The following COL4A6 variants were observed in gnomAD, a reference collection of about 807,000 sequenced individuals.
COL4A6 encodes the protein collagen alpha-6(IV) chain.
COL4A6 carries 59 observed loss-of-function variants against 126.7 expected under a neutral mutation model. The ratio of observed to expected loss-of-function variants is 0.47; its 90% confidence interval spans 0.38 to 0.58. The LOEUF is 0.58. COL4A6 is among the 20% of genes least tolerant of loss of function. COL4A6 has a pLI of 0.00. For missense variants in COL4A6, 1,285 were observed against 1,337.3 expected, an observed-to-expected ratio of 0.96 and a Z score of 0.61; for synonymous variants, 547 against 496.6, an observed-to-expected ratio of 1.10 and a Z score of -1.35.
At position 108,235,345 on chromosome X, in the gene COL4A6, G is replaced by A. The variant is rs770346010; in HGVS notation, c.145-13971C>T. ...CAAAGTGAGATGCTTGAACCACCTA[G>A]AGGTATAAATTATGTACAACATTTA... is the stretch of plus-strand genomic sequence containing the variant. On this transcript the variant is annotated intron_variant, in intron 3 of 44. Coordinates refer to ENST00000334504, the MANE Select transcript of COL4A6 (RefSeq NM_033641.4). Among the ~76,000 whole-genome samples the A allele has an allele frequency of 5.4e-5, 6 of 111,738 alleles. No individual in the cohort carries two copies. The East Asian group carries it at 1.1e-3, about 21-fold the overall frequency.
At chrX:108,403,866 G>A (rs927463079) in intron 2 of COL4A6, among the ~76,000 whole-genome samples, 1 of 111,692 alleles carries the variant, frequency 9.0e-6, no homozygotes, top group Non-Finnish European at 1.9e-5. Flanking sequence ...CTGTAAAACT[G>A]TATATCTAAA....
chrX:108,346,511 G>A (rs979039788), intron 2 of COL4A6, among the ~76,000 whole-genome samples: 3 of 111,897 alleles, frequency 2.7e-5, no homozygotes, highest in African/African-American at 9.8e-5. Context: ...TGTGCTACAC[G>A]AAAAATATCA....
chrX:108,394,249 G>T (rs77913013), intron 2 of COL4A6, among the ~76,000 whole-genome samples: 5 of 109,816 alleles, frequency 4.6e-5, no homozygotes, highest in Admixed American at 3.9e-4. Flanking sequence ...CACAGGGAGG[G>T]GAACATCACA....
intron 2 of COL4A6, among the ~76,000 whole-genome samples, chrX:108,347,002 C>A (rs1266020388): frequency 8.9e-6 from 1 of 112,335 alleles, no homozygotes; most frequent in Non-Finnish European, 1.9e-5. Flanking sequence ...TATTGTCATG[C>A]ATTTGTATGG....
intron 3 of COL4A6, among the ~76,000 whole-genome samples, chrX:108,245,383 T>C (rs1197467857): frequency 8.9e-6 from 1 of 111,832 alleles, no homozygotes. Context: ...AGGAATCACA[T>C]GGAAGGAACT....
intron 3 of COL4A6, chrX:108,268,021 A>G (rs749283301): frequency 5.3e-5 from 6 of 112,270 alleles, no homozygotes; most frequent in Non-Finnish European, 1.1e-4. Flanking sequence ...AACACAGCTA[A>G]CTTTTGGTAA....
At chrX:108,434,564 G>A (rs1175641840) in intron 2 of COL4A6, among the ~76,000 whole-genome samples, 4 of 110,501 alleles carry the variant, frequency 3.6e-5, no homozygotes, top group African/African-American at 9.9e-5. Context: ...AACAATTTTT[G>A]AAATGGTTAT....
chrX:108,247,988 G>A (rs746431446), intron 3 of COL4A6, among the ~76,000 whole-genome samples: 2 of 111,432 alleles, frequency 1.8e-5, no homozygotes, highest in African/African-American at 6.5e-5. Flanking sequence ...TTTCTGAGGA[G>A]AGGAGAGGAT....
At chrX:108,399,314 C>T (rs1383219499) in intron 2 of COL4A6, among the ~76,000 whole-genome samples, 1 of 111,329 alleles carries the variant, frequency 9.0e-6, no homozygotes, top group Middle Eastern at 4.2e-3. Context: ...TTAGATTCTG[C>T]CCTGGTTAAT....
chrX:108,161,013 G>T (rs2033915294), intron 42 of COL4A6, among the ~76,000 whole-genome samples: 1 of 111,939 alleles, frequency 8.9e-6, no homozygotes, highest in Non-Finnish European at 1.9e-5. Flanking sequence ...CAGCCTTGCA[G>T]GCCCTCATAG....
At chrX:108,408,691 G>A (rs990013691) in intron 2 of COL4A6, among the ~76,000 whole-genome samples, 1 of 111,885 alleles carries the variant, frequency 8.9e-6, no homozygotes, top group African/African-American at 3.3e-5. Context: ...GCCAGGCACG[G>A]TGGCTCACGC....
intron 3 of COL4A6, among the ~76,000 whole-genome samples, chrX:108,240,199 C>A (rs148958628): frequency 5.0e-3 from 556 of 111,324 alleles, no homozygotes; most frequent in African/African-American, 0.018. Flanking sequence ...GCCAAGATTG[C>A]GCCAATGAAC....
intron 2 of COL4A6, among the ~76,000 whole-genome samples, chrX:108,369,874 T>C (rs746798528): frequency 3.3e-4 from 37 of 112,454 alleles, no homozygotes; most frequent in Non-Finnish European, 5.8e-4. Flanking sequence ...ACCACAGATA[T>C]TAGTTAAATG....
intron 2 of COL4A6, among the ~76,000 whole-genome samples, chrX:108,423,670 G>A (rs1042694014): frequency 1.8e-5 from 2 of 111,511 alleles, no homozygotes; most frequent in Non-Finnish European, 3.8e-5. Flanking sequence ...ACAAAGCACT[G>A]ATTGCTATTT....
At chrX:108,280,673 C>A (rs1165316128) in intron 3 of COL4A6, among the ~76,000 whole-genome samples, 1 of 111,347 alleles carries the variant, frequency 9.0e-6, no homozygotes, top group Non-Finnish European at 1.9e-5. Context: ...ATACCAAAGC[C>A]GGGCAGAGAC....
At chrX:108,363,319 T>A (rs949936151) in intron 2 of COL4A6, among the ~76,000 whole-genome samples, 5 of 112,122 alleles carry the variant, frequency 4.5e-5, no homozygotes, top group Non-Finnish European at 9.4e-5. Flanking sequence ...TAAATCTCTA[T>A]ATGTGGACCT....
intron 3 of COL4A6, among the ~76,000 whole-genome samples, chrX:108,229,046 T>C (rs1234116684): frequency 8.9e-6 from 1 of 112,053 alleles, no homozygotes; most frequent in African/African-American, 3.2e-5. Context: ...CGAGGGCCAG[T>C]CAGAAGCCTG....
At chrX:108,423,545 C>T (rs774550268) in intron 2 of COL4A6, among the ~76,000 whole-genome samples, 1 of 111,555 alleles carries the variant, frequency 9.0e-6, no homozygotes, top group South Asian at 3.8e-4. Flanking sequence ...AGTTTTAAAC[C>T]TCGATCTAAC....
intron 3 of COL4A6, among the ~76,000 whole-genome samples, chrX:108,253,758 C>T (rs1236511800): frequency 8.9e-6 from 1 of 111,834 alleles, no homozygotes; most frequent in South Asian, 3.7e-4. Context: ...GTATCCATAA[C>T]CCCTAGTTCT....
Sources: allele counts gnomAD v4.1 joint callset (sites outside exome capture counted in the v4.1 genomes callset), GRCh38; gene constraint gnomAD v4.1.1; transcripts MANE v1.5; gene names NCBI Gene and HGNC (gene_info 2026-07-23, HGNC 2026-07-21).